KIF3C: variants seen among roughly 807,000 people sequenced by gnomAD.
The protein encoded by KIF3C is kinesin-like protein KIF3C.
A neutral mutation model predicts 67.7 loss-of-function variants in KIF3C; 12 were observed. The observed-to-expected ratio is 0.18, with a 90% CI of 0.11 to 0.29. The LOEUF (loss-of-function observed/expected upper bound fraction) is 0.29, where lower values mean the gene tolerates loss of function less well. KIF3C is among the 10% of genes least tolerant of loss of function. The probability of loss-of-function intolerance (pLI) is 1.00; values close to 1 mark genes in which losing one functional copy is unlikely to be tolerated. For missense variants in KIF3C, 789 were observed against 1,059.6 expected, an observed-to-expected ratio of 0.74 and a Z score of 3.55; for synonymous variants, 393 against 426.2, an observed-to-expected ratio of 0.92 and a Z score of 0.96.
At chr2:25,932,829 T>C (rs1278032559) in intron 5 of KIF3C, among the ~76,000 whole-genome samples, 1 of 132,038 alleles carries the variant, frequency 7.6e-6, no homozygotes, top group African/African-American at 2.8e-5. Flanking sequence ...TGAGACTCCA[T>C]CTCAAAAACA....
chr2:25,946,574 G>C (rs1305622881), intron 5 of KIF3C, among the ~76,000 whole-genome samples: 1 of 152,172 alleles, frequency 6.6e-6, no homozygotes, highest in African/African-American at 2.4e-5. Flanking sequence ...TGTAATCCCG[G>C]TTACTCAGGA....
chr2:25,939,057 G>T (rs1350414728), intron 5 of KIF3C, among the ~76,000 whole-genome samples: 1 of 151,906 alleles, frequency 6.6e-6, no homozygotes, highest in East Asian at 1.9e-4. Flanking sequence ...GCCGTGGCAA[G>T]ATCTTGGCAC....
chr2:25,962,770 AAT>A (rs1414643687), intron 1 of KIF3C, among the ~76,000 whole-genome samples: 37 of 104,900 alleles, frequency 3.5e-4, no homozygotes, highest in East Asian at 6.6e-4. Flanking sequence ...ATATATATAA[AAT>A]ATATGTTATA....
chr2:25,956,729 G>C (rs948732342), intron 1 of KIF3C, among the ~76,000 whole-genome samples: 10 of 152,284 alleles, frequency 6.6e-5, no homozygotes, highest in Admixed American at 5.2e-4. Context: ...AGGAAAGGTT[G>C]GTCCACCAGG....
chr2:25,971,100 G>A (rs925214813), intron 1 of KIF3C, among the ~76,000 whole-genome samples: 5 of 151,776 alleles, frequency 3.3e-5, no homozygotes, highest in African/African-American at 1.2e-4. Flanking sequence ...GTGAAACCCC[G>A]TCTTTACTAA....
At chr2:25,960,113 A>C (rs978572638) in intron 1 of KIF3C, among the ~76,000 whole-genome samples, 4 of 152,122 alleles carry the variant, frequency 2.6e-5, no homozygotes, top group African/African-American at 9.7e-5. Flanking sequence ...AGATTTTGTA[A>C]CACTCCAGAG....
At chr2:25,956,926 CAGA>C (rs1257037775) in intron 1 of KIF3C, among the ~76,000 whole-genome samples, 2 of 152,130 alleles carry the variant, frequency 1.3e-5, no homozygotes, top group Admixed American at 6.6e-5. Flanking sequence ...ATGTGGAAAG[CAGA>C]AGAAAAGCCA....
At chr2:25,962,369 G>GTT (rs957098002) in intron 1 of KIF3C, among the ~76,000 whole-genome samples, 4 of 150,822 alleles carry the variant, frequency 2.7e-5, no homozygotes, top group African/African-American at 9.7e-5. Context: ...ATTTTCCCTG[G>GTT]TTTTTTTTTG....
chr2:25,982,104 C>G lies in KIF3C; in HGVS notation c.-187G>C. The G allele has an allele frequency of 1.9e-6, 1 of 537,568 alleles. No homozygotes were observed. The highest frequency in any genetic ancestry group is 3.3e-6 in the Non-Finnish European group (1 of 305,262). 33.3% of individuals were successfully genotyped at this position (537,568 alleles called of 1,614,324 possible). On this transcript the variant is annotated 5_prime_UTR_variant, in exon 1 of 8. Transcript: ENST00000264712. ...ACGCTGCTGCAGTCCGGGCCTCCAC[C>G]GCTCTCCGGTCCTCTCTGCACCGGC...
At chr2:25,965,930 G>A (rs1664129785) in intron 1 of KIF3C, among the ~76,000 whole-genome samples, 1 of 152,076 alleles carries the variant, frequency 6.6e-6, no homozygotes, top group Non-Finnish European at 1.5e-5. Flanking sequence ...GGAAAAGACA[G>A]GGCTGGGAGC....
Position 25,981,255 on chromosome 2 carries a change from G to A in KIF3C, c.663C>T (p.Ile221=). 6.2e-7 allele frequency: 1 copy of A among 1,614,226 alleles called. No individual in the cohort carries two copies. The highest frequency in any genetic ancestry group is 8.5e-7 in the Non-Finnish European group (1 of 1,180,036). ...CACGTTCGCTGCACTCCACAGTGAT[G>A]ATGAAGATGGCATGGGAGCGGGAGC... The part of the protein sequence containing the change: ...EVSSRSHAIF[I]ITVECSERGS... The change falls in exon 1 of 8, where the codon ATC becomes ATT. Residue 221 remains isoleucine, a synonymous_variant. Transcript: ENST00000264712. This position sits in a 1 kb window ranked among gnomAD's most constrained non-coding sequence, Gnocchi z 8.2.
Position 25,979,557 on chromosome 2 carries a change from G to C in KIF3C, c.1545+816C>G, listed in dbSNP as rs534321511. On this transcript the variant is annotated intron_variant, in intron 1 of 7. Coordinates refer to ENST00000264712, the MANE Select transcript of KIF3C (RefSeq NM_002254.8). ...CTTACACAAGGCCACTCAATGAGCT[G>C]TAGAATGGCTAGGCCAGTCTCTTGG... 3.9e-4 allele frequency among the ~76,000 whole-genome samples: 60 copies of C among 152,294 alleles called. No individual in the cohort carries two copies. The South Asian group carries it at 0.012, about 30-fold the overall frequency.
At chr2:25,964,556 T>C (rs60333076) in intron 1 of KIF3C, among the ~76,000 whole-genome samples, 4,547 of 152,268 alleles carry the variant, frequency 0.03, 99 homozygotes, top group African/African-American at 0.067. Flanking sequence ...AGCCTCCAGC[T>C]CCTGGGCTCA....
intron 5 of KIF3C, among the ~76,000 whole-genome samples, chr2:25,935,461 G>A (rs925386064): frequency 5.9e-5 from 9 of 151,880 alleles, no homozygotes; most frequent in African/African-American, 2.2e-4. Flanking sequence ...CAAATTCCTG[G>A]GCTCAAATAG....
At chr2:25,956,671 T>C (rs6724038) in intron 1 of KIF3C, among the ~76,000 whole-genome samples, 37,843 of 151,914 alleles carry the variant, frequency 0.25, 5,304 homozygotes, top group African/African-American at 0.38. Flanking sequence ...GCACAGAGGG[T>C]GCCCCTCGGG....
At chr2:25,935,499 T>C (rs936842891) in intron 5 of KIF3C, among the ~76,000 whole-genome samples, 2 of 152,000 alleles carry the variant, frequency 1.3e-5, no homozygotes, top group Non-Finnish European at 2.9e-5. Context: ...CCTGAGTAGA[T>C]AGGTCTACAG....
chr2:25,973,132 T>C (rs753493697), intron 1 of KIF3C, among the ~76,000 whole-genome samples: 5 of 152,222 alleles, frequency 3.3e-5, no homozygotes, highest in Non-Finnish European at 7.3e-5. Context: ...ATTCTGAAGA[T>C]CATCTGGTTC....
intron 5 of KIF3C, among the ~76,000 whole-genome samples, chr2:25,942,170 C>T (rs1351139157): frequency 6.6e-6 from 1 of 151,804 alleles, no homozygotes; most frequent in Non-Finnish European, 1.5e-5. Flanking sequence ...CCAGCCTGGC[C>T]AACATGGAGA....
At position 25,928,879 on chromosome 2, in the gene KIF3C, G is replaced by GCACGCA. The variant is rs1388279169; in HGVS notation, c.*93_*98dup. Reference sequence around the variant, plus strand: ...CCCCTGCACACACGCACACGCACATGCACGCACACGCACACGCACCAAGCG... The same window carrying GCACGCA: ...CCCCTGCACACACGCACACGCACATGCACGCACACGCACACGCACACGCACCAAGCG... On this transcript the variant is annotated 3_prime_UTR_variant, in exon 8 of 8. Transcript: ENST00000264712. 9 of 938,050 alleles carry GCACGCA rather than the reference G, an allele frequency of 9.6e-6. No homozygotes were observed. Among genetic ancestry groups the GCACGCA allele is most frequent in the African/African-American group, 1.6e-5 (1 of 61,354 alleles). 58.1% of individuals were successfully genotyped at this position (938,050 alleles called of 1,614,324 possible). A position where few individuals can be genotyped will look rare whatever the true frequency, so the allele number is the denominator to read the frequency against.
Sources: allele counts gnomAD v4.1 joint callset (sites outside exome capture counted in the v4.1 genomes callset), GRCh38; gene constraint gnomAD v4.1.1; non-coding constraint Gnocchi (gnomAD v3.1); transcripts MANE v1.5; gene names NCBI Gene and HGNC (gene_info 2026-07-23, HGNC 2026-07-21).